LRRC8C: variants seen among roughly 807,000 people sequenced by gnomAD.
LRRC8C encodes volume-regulated anion channel subunit LRRC8C.
A neutral mutation model predicts 55.3 loss-of-function variants in LRRC8C; 20 were observed. The observed-to-expected ratio is 0.36, with a 90% CI of 0.25 to 0.53. The LOEUF (loss-of-function observed/expected upper bound fraction) is 0.53. Among genes scored for constraint, LRRC8C ranks in the 20% least tolerant of loss-of-function variants. The pLI is 0.92. For synonymous variants in LRRC8C, 376 were observed against 360.7 expected (o/e 1.04, Z -0.48); for missense variants, 659 against 951.4 (o/e 0.69, Z 4.04).
Position 89,714,835 on chromosome 1 carries a change from C to T in LRRC8C, c.2265C>T (p.Ser755=). ...AAATTGGAAATTTGCTATTTCTTTCCTACTTAGATGTAAAAGGTAATCACT... is the reference window on the plus strand; with the variant it reads ...AAATTGGAAATTTGCTATTTCTTTCTTACTTAGATGTAAAAGGTAATCACT... ...SPKIGNLLFL[S]YLDVKGNHFE... The change falls in exon 3 of 3, where the codon TCC becomes TCT. Residue 755 remains serine, a synonymous_variant. Coordinates refer to ENST00000370454, the MANE Select transcript of LRRC8C (RefSeq NM_032270.5). The surrounding 1 kb of genome is among the most constrained non-coding windows in gnomAD (Gnocchi z 4.6). 6.2e-7 allele frequency: 1 copy of T among 1,614,096 alleles called. No homozygotes were observed. The highest frequency in any genetic ancestry group is 8.5e-7 in the Non-Finnish European group (1 of 1,180,002).
chr1:89,682,651 C>T (rs917903200), intron 1 of LRRC8C, among the ~76,000 whole-genome samples: 8 of 152,324 alleles, frequency 5.3e-5, no homozygotes, highest in African/African-American at 1.9e-4. Context: ...CTAGACTGTG[C>T]TGAAGGGATT....
At chr1:89,673,691 T>C (rs1210930598) in intron 1 of LRRC8C, among the ~76,000 whole-genome samples, 1 of 152,224 alleles carries the variant, frequency 6.6e-6, no homozygotes, top group Non-Finnish European at 1.5e-5. Context: ...GAGCACCTAC[T>C]ATATGCCAAA....
intron 1 of LRRC8C, among the ~76,000 whole-genome samples, chr1:89,642,411 G>A (rs1202693732): frequency 6.6e-6 from 1 of 152,188 alleles, no homozygotes; most frequent in Non-Finnish European, 1.5e-5. Flanking sequence ...GGCACAGCAT[G>A]TTAGAAATTA....
rs1472529315 is a variant in LRRC8C at position 89,714,590 on chromosome 1, G to T, written c.2020G>T (p.Val674Leu). 1.9e-6 allele frequency: 3 copies of T among 1,614,030 alleles called. No homozygotes were observed. The highest frequency in any genetic ancestry group is 2.2e-5 in the East Asian group (1 of 44,890). ...GTCCTTTAGTCACAATAAAATAGAG[G>T]TGCTGCCTTCCCACCTCTTCCTATG... ...RLSFSHNKIE[V>L]LPSHLFLCNK... The change falls in exon 3 of 3, where the codon GTG (valine) becomes TTG (leucine). Residue 674 changes from valine to leucine, a missense_variant. Physicochemically the swap from Val to Leu is conservative, Grantham distance 32. This residue lies in a region of LRRC8C where 344 missense variants were observed against 464.6 expected (regional missense o/e 0.74). Coordinates refer to ENST00000370454, the MANE Select transcript of LRRC8C (RefSeq NM_032270.5). The surrounding 1 kb of genome is among the most constrained non-coding windows in gnomAD (Gnocchi z 4.6).
At chr1:89,618,887 T>C in the LRRC8C span, among the ~76,000 whole-genome samples, 1 of 152,250 alleles carries the variant, frequency 6.6e-6, no homozygotes, top group Non-Finnish European at 1.5e-5. Flanking sequence ...GACAGAAATA[T>C]TGACACCTCT....
chr1:89,654,874 C>CTTTTT (rs3068067), intron 1 of LRRC8C, among the ~76,000 whole-genome samples: 1 of 129,334 alleles, frequency 7.7e-6, no homozygotes, highest in Non-Finnish European at 1.6e-5. Context: ...TTTAGTAAGC[C>CTTTTT]TTTTTTTTTT....
intron 2 of LRRC8C, among the ~76,000 whole-genome samples, chr1:89,709,931 T>C (rs1435435676): frequency 6.6e-6 from 1 of 152,132 alleles, no homozygotes; most frequent in African/African-American, 2.4e-5. Context: ...TTTTGTGTTT[T>C]CAGTAGAGAC....
chr1:89,645,028 A>G (rs2101186836), intron 1 of LRRC8C, among the ~76,000 whole-genome samples: 1 of 152,352 alleles, frequency 6.6e-6, no homozygotes, highest in East Asian at 1.9e-4. Flanking sequence ...ATGCACAGGA[A>G]ATATAACTCA....
At chr1:89,703,107 TCCAGATA>T (rs1658377506) in intron 2 of LRRC8C, among the ~76,000 whole-genome samples, 1 of 152,084 alleles carries the variant, frequency 6.6e-6, no homozygotes, top group East Asian at 1.9e-4. Context: ...AGTCCTTAGC[TCCAGATA>T]TGGAGTAGGA....
At chr1:89,701,956 A>G (rs1658341589) in intron 2 of LRRC8C, among the ~76,000 whole-genome samples, 1 of 152,208 alleles carries the variant, frequency 6.6e-6, no homozygotes, top group Non-Finnish European at 1.5e-5. Context: ...ACCAAGCAAG[A>G]TAAGAGACTG....
chr1:89,680,439 G>T (rs554076610), intron 1 of LRRC8C, among the ~76,000 whole-genome samples: 2 of 151,442 alleles, frequency 1.3e-5, no homozygotes, highest in Non-Finnish European at 2.9e-5. Context: ...GTGGAATATG[G>T]ATCTACTAAA....
At chr1:89,618,275 G>C in the LRRC8C span, among the ~76,000 whole-genome samples, 1 of 152,058 alleles carries the variant, frequency 6.6e-6, no homozygotes, top group Non-Finnish European at 1.5e-5. Flanking sequence ...GAATGCAGAG[G>C]GTTTTAAAAG....
At chr1:89,634,444 T>C (rs1251866227) in intron 1 of LRRC8C, among the ~76,000 whole-genome samples, 1 of 152,160 alleles carries the variant, frequency 6.6e-6, no homozygotes, top group Non-Finnish European at 1.5e-5. Context: ...TTCGCGGTAG[T>C]GTGAGAAACG....
rs1162666686 is a variant in LRRC8C at position 89,714,450 on chromosome 1, T to C, written c.1880T>C (p.Ile627Thr). ...CTGAAGGAAAACAATCTGAAATCTA[T>C]AGAAGAAATCGTTAGCTTTCAGCAC... is the stretch of plus-strand genomic sequence containing the variant. ...LDLKENNLKS[I>T]EEIVSFQHLR... is the part of the protein sequence containing the mutation. Residue 627 changes from isoleucine to threonine, a missense_variant, in exon 3 of 3, where the codon ATA becomes ACA. By Grantham distance (89) the Ile-to-Thr change is moderately conservative (BLOSUM62 -1). Transcript: ENST00000370454. This position sits in a 1 kb window ranked among gnomAD's most constrained non-coding sequence, Gnocchi z 4.6. 6.2e-7 allele frequency: 1 copy of C among 1,614,146 alleles called. No individual in the cohort carries two copies. Among genetic ancestry groups the C allele is most frequent in the Admixed American group, 1.7e-5 (1 of 60,020 alleles).
intron 2 of LRRC8C, among the ~76,000 whole-genome samples, chr1:89,703,874 G>A (rs1658399633): frequency 6.6e-6 from 1 of 151,942 alleles, no homozygotes; most frequent in Non-Finnish European, 1.5e-5. Flanking sequence ...ATATGAGTGA[G>A]CAAAATAATG....
At chr1:89,678,527 C>G (rs889656604) in intron 1 of LRRC8C, among the ~76,000 whole-genome samples, 2 of 151,988 alleles carry the variant, frequency 1.3e-5, no homozygotes, top group Non-Finnish European at 2.9e-5. Flanking sequence ...ATGGAGAAAC[C>G]CCGTCTCTAC....
At position 89,714,742 on chromosome 1, in the gene LRRC8C, A is replaced by G. The variant is rs147333156; in HGVS notation, c.2172A>G (p.Glu724=). Residue 724 remains glutamate, a synonymous_variant, in exon 3 of 3, where the codon GAA becomes GAG. Coordinates refer to ENST00000370454, the MANE Select transcript of LRRC8C (RefSeq NM_032270.5). The surrounding 1 kb of genome is among the most constrained non-coding windows in gnomAD (Gnocchi z 4.6). ...TCNKVESLPD[E]LYFCKKLKTL... ...ACAAAGTGGAAAGCCTTCCAGATGAACTCTACTTCTGCAAGAAACTTAAAA... is the reference window on the plus strand; with the variant it reads ...ACAAAGTGGAAAGCCTTCCAGATGAGCTCTACTTCTGCAAGAAACTTAAAA... The G allele has an allele frequency of 3.5e-5, 57 of 1,613,782 alleles. No individual in the cohort carries two copies. The African/African-American group carries it at 7.5e-4, about 21-fold the overall frequency.
At chr1:89,693,797 C>T (rs1053041990) in intron 2 of LRRC8C, among the ~76,000 whole-genome samples, 7 of 151,702 alleles carry the variant, frequency 4.6e-5, no homozygotes, top group Non-Finnish European at 7.4e-5. Context: ...GCTGGGTTTA[C>T]AAGCATGCAC....
rs1414968029 is a variant in LRRC8C at position 89,655,713 on chromosome 1, C to T, written c.-5+22391C>T. Among the ~76,000 whole-genome samples the T allele has an allele frequency of 2.6e-5, 4 of 152,294 alleles. No homozygotes were observed. In the South Asian group the frequency reaches 8.3e-4, roughly 32 times the overall value. On this transcript the variant is annotated intron_variant, in intron 1 of 2. Coordinates refer to ENST00000370454, the MANE Select transcript of LRRC8C (RefSeq NM_032270.5). ...GGGGGCAAATCGACTCCCAAGATAA[C>T]ACTAATGCATGCATGAGGGCAGAAC...
Sources: allele counts gnomAD v4.1 joint callset (sites outside exome capture counted in the v4.1 genomes callset), GRCh38; gene constraint gnomAD v4.1.1; regional missense constraint gnomAD v4.1.1; non-coding constraint Gnocchi (gnomAD v3.1); transcripts MANE v1.5; gene names NCBI Gene and HGNC (gene_info 2026-07-23, HGNC 2026-07-21).